Variants in SLC3A1 observed in about 807,000 individuals in gnomAD.
The protein encoded by SLC3A1 is solute carrier family 3 member 1.
Under a neutral mutation model 60.3 loss-of-function variants are expected in SLC3A1, and 78 were observed. The observed-to-expected ratio is 1.29, with a 90% confidence interval of 1.08 to 1.56. The LOEUF (loss-of-function observed/expected upper bound fraction) is 1.56. Ranked by LOEUF, SLC3A1 falls within the 40% of genes most tolerant of loss-of-function variation. The probability of loss-of-function intolerance (pLI) is 0.00; values close to 1 mark genes in which losing one functional copy is unlikely to be tolerated. For synonymous variants in SLC3A1, 392 were observed against 307.9 expected (o/e 1.27, Z -2.86); for missense variants, 1,172 against 858.9 (o/e 1.36, Z -4.56).
chr2:44,318,992 T>C (rs886892914), intron 9 of SLC3A1: 2 of 152,182 alleles, frequency 1.3e-5, no homozygotes, highest in Admixed American at 1.3e-4. Flanking sequence ...TAGACAATAA[T>C]AGCTAACACT....
chr2:44,306,550 CTT>C (rs11290172), intron 7 of SLC3A1, among the ~76,000 whole-genome samples: 1,449 of 101,066 alleles, frequency 0.014, 7 homozygotes, highest in African/African-American at 0.046. Context: ...TACCATAAAA[CTT>C]TTTTTTTTTT....
At chr2:44,285,331 T>C (rs1052335064) in intron 3 of SLC3A1, 5 of 166,594 alleles carry the variant, frequency 3.0e-5, no homozygotes, top group African/African-American at 9.6e-5. Context: ...CCAGATGTTC[T>C]CTTTAACATG....
chr2:44,304,248 C>T lies in SLC3A1; in HGVS notation c.1242C>T (p.Ser414=). ...ATTTTCCCTTCAACAATTACCTCAGCATGCTAGACACTGTTTCTGGGAACA... is the reference window on the plus strand; with the variant it reads ...ATTTTCCCTTCAACAATTACCTCAGTATGCTAGACACTGTTTCTGGGAACA... ...EADFPFNNYL[S]MLDTVSGNSV... is the part of the protein sequence containing the mutation. The change falls in exon 7 of 10, where the codon AGC becomes AGT. Residue 414 remains serine (S), a synonymous_variant. Transcript: ENST00000260649. 1 of 1,614,070 alleles carries T rather than the reference C, an allele frequency of 6.2e-7. No individual in the cohort carries two copies. The highest frequency in any genetic ancestry group is 1.1e-5 in the South Asian group (1 of 91,076).
chr2:44,310,736 T>A (rs957894165), intron 7 of SLC3A1, among the ~76,000 whole-genome samples: 2 of 152,098 alleles, frequency 1.3e-5, no homozygotes, highest in Non-Finnish European at 2.9e-5. Flanking sequence ...CTTCCTTCTC[T>A]CCTTTTGAGA....
At chr2:44,317,525 T>A (rs753726362) in intron 9 of SLC3A1, 7 of 152,076 alleles carry the variant, frequency 4.6e-5, no homozygotes, top group African/African-American at 9.7e-5. Flanking sequence ...AGCTGCCATA[T>A]TGGATGGCTC....
intron 9 of SLC3A1, chr2:44,318,144 G>C (rs1376389181): frequency 2.3e-6 from 1 of 440,414 alleles, no homozygotes; most frequent in South Asian, 1.6e-5. Context: ...ATGCTCGAGT[G>C]CAGTGGCGTG....
intron 4 of SLC3A1, among the ~76,000 whole-genome samples, chr2:44,292,334 C>G (rs988959484): frequency 6.6e-6 from 1 of 152,168 alleles, no homozygotes; most frequent in Admixed American, 6.5e-5. Context: ...TCGCTCACTA[C>G]CTGCTTGATT....
In SLC3A1 at chr2:44,275,710, T is replaced by A. The variant is rs1388410305; in HGVS notation, c.175T>A (p.Phe59Ile). The change falls in exon 1 of 10, where the codon TTC becomes ATC. Residue 59 changes from phenylalanine to isoleucine, a missense_variant. Physicochemically the swap from Phe to Ile is conservative, Grantham distance 21 (BLOSUM62 0). Transcript: ENST00000260649. ...CATCCTTGGCTCCCAGGAGCCCGAC[T>A]TCAAGGGCGTCCAGCCCTATGCGGG... ...RGILGSQEPD[F>I]KGVQPYAGMP... is the part of the protein sequence containing the mutation. 8 of 1,614,158 alleles carry A rather than the reference T, an allele frequency of 5.0e-6. No homozygotes were observed. The highest frequency in any genetic ancestry group is 6.8e-6 in the Non-Finnish European group (8 of 1,180,002).
chr2:44,281,504 C>T lies in SLC3A1; in HGVS notation c.728C>T (p.Thr243Ile). 1 of 1,613,874 alleles carries T rather than the reference C, an allele frequency of 6.2e-7. No individual in the cohort carries two copies. Among genetic ancestry groups the T allele is most frequent in the Non-Finnish European group, 8.5e-7 (1 of 1,179,876 alleles). ...YTDYYIWHDCTHENGKTIPPN... is the reference protein window; with the variant it reads ...YTDYYIWHDCIHENGKTIPPN... ...GATTATTATATCTGGCATGACTGTACCCATGAAAATGGCAAAACCATTCCA... is the reference window on the plus strand; with the variant it reads ...GATTATTATATCTGGCATGACTGTATCCATGAAAATGGCAAAACCATTCCA... Residue 243 changes from threonine (T) to isoleucine (I), a missense_variant, in exon 3 of 10, where the codon ACC (threonine) becomes ATC (isoleucine). Coordinates refer to ENST00000260649, the MANE Select transcript of SLC3A1 (RefSeq NM_000341.4).
chr2:44,292,447 G>A (rs1413365483), intron 4 of SLC3A1, among the ~76,000 whole-genome samples: 3 of 152,116 alleles, frequency 2.0e-5, no homozygotes, highest in African/African-American at 4.8e-5. Context: ...TAGGTATTGT[G>A]TGTCTTGACC....
intron 4 of SLC3A1, among the ~76,000 whole-genome samples, chr2:44,289,600 A>G (rs1671693432): frequency 2.0e-5 from 3 of 151,842 alleles, no homozygotes; most frequent in Non-Finnish European, 1.5e-5. Context: ...CTTTTGAAGC[A>G]CAAGCGTTTT....
At position 44,275,697 on chromosome 2, in the gene SLC3A1, C is replaced by T. The variant is rs765595657; in HGVS notation, c.162C>T (p.Ser54=). The stretch of plus-strand genomic sequence containing the variant: ...ACAGCACCAGGGGCATCCTTGGCTC[C>T]CAGGAGCCCGACTTCAAGGGCGTCC... ...LKHSTRGILG[S]QEPDFKGVQP... is the part of the protein sequence containing the mutation. The change falls in exon 1 of 10, where the codon TCC becomes TCT. Residue 54 remains serine, a synonymous_variant. Coordinates refer to ENST00000260649, the MANE Select transcript of SLC3A1 (RefSeq NM_000341.4). The T allele has an allele frequency of 3.1e-6, 5 of 1,614,150 alleles. No individual in the cohort carries two copies. In the South Asian group the frequency reaches 4.4e-5, roughly 14 times the overall value.
rs767955213 is a variant in SLC3A1, at chr2:44,312,657, T to G, written c.1404T>G (p.Leu468=). The G allele has an allele frequency of 1.1e-5, 17 of 1,613,878 alleles. No individual in the cohort carries two copies. Among genetic ancestry groups the G allele is most frequent in the Non-Finnish European group, 1.4e-5 (16 of 1,179,772 alleles). ...GNQYVNVMNM[L]LFTLPGTPIT... is the part of the protein sequence containing the mutation. ...AGTATGTCAACGTGATGAACATGCT[T>G]CTTTTCACACTCCCTGGAACTCCTA... The change falls in exon 8 of 10, where the codon CTT becomes CTG. Residue 468 remains leucine, a synonymous_variant. Coordinates refer to ENST00000260649, the MANE Select transcript of SLC3A1 (RefSeq NM_000341.4).
At chr2:44,305,918 C>G (rs1405074081) in intron 7 of SLC3A1, among the ~76,000 whole-genome samples, 3 of 152,254 alleles carry the variant, frequency 2.0e-5, no homozygotes, top group South Asian at 4.1e-4. Context: ...CTATTGTATA[C>G]TATAGCACCC....
downstream of SLC3A1, chr2:44,321,846 A>G (rs748104886): frequency 1.4e-5 from 23 of 1,613,682 alleles, no homozygotes; most frequent in Non-Finnish European, 1.8e-5. Flanking sequence ...AGAATCCTCA[A>G]TTACATGATT....
chr2:44,290,619 C>T (rs1434366475), intron 4 of SLC3A1, among the ~76,000 whole-genome samples: 1 of 151,378 alleles, frequency 6.6e-6, no homozygotes, highest in East Asian at 1.9e-4. Context: ...TTTTGCAGTT[C>T]TCAGAGTACA....
chr2:44,281,243 C>T (rs2104335024), intron 2 of SLC3A1, 144 bp from the exon 3 acceptor site: 3 of 692,236 alleles, frequency 4.3e-6, no homozygotes, highest in South Asian at 3.3e-5. Flanking sequence ...ACTTCAGCCT[C>T]CACCTCCTGG....
In SLC3A1 at chr2:44,280,273, C is replaced by G. The variant is rs576828981; in HGVS notation, c.431-443C>G. 3.9e-5 allele frequency among the ~76,000 whole-genome samples: 6 copies of G among 151,928 alleles called. No homozygotes were observed. In the South Asian group the frequency reaches 1.2e-3, roughly 32 times the overall value. ...TTTTTTTTTGAGAAAGGGTCTTGCT[C>G]TGTCGCCCAGGCTAGAGTACAGTGG... On this transcript the variant is annotated intron_variant, in intron 1 of 9. Transcript: ENST00000260649.
At chr2:44,321,861 C>G, downstream of SLC3A1, 1 of 1,613,600 alleles carries the variant, frequency 6.2e-7, no homozygotes. Flanking sequence ...ATGATTGCCT[C>G]CAGGCTGAAT....
Sources: allele counts gnomAD v4.1 joint callset (sites outside exome capture counted in the v4.1 genomes callset), GRCh38; gene constraint gnomAD v4.1.1; transcripts MANE v1.5; gene names NCBI Gene and HGNC (gene_info 2026-07-23, HGNC 2026-07-21).